The following SMAP1 variants were observed in gnomAD, a reference collection of about 807,000 sequenced individuals.
SMAP1 encodes stromal membrane-associated protein 1.
SMAP1 carries 24 observed loss-of-function variants against 58.5 expected under a neutral mutation model. The ratio of observed to expected loss-of-function variants is 0.41; its 90% CI spans 0.30 to 0.58. The LOEUF (loss-of-function observed/expected upper bound fraction) is 0.58. SMAP1 is among the 20% of genes least tolerant of loss of function. SMAP1 has a pLI of 0.29. For missense variants in SMAP1, 563 were observed against 566.3 expected (o/e 0.99, Z 0.06); for synonymous variants, 216 against 196.6 (o/e 1.10, Z -0.82).
At chr6:70,813,909 A>G (rs568427458) in intron 6 of SMAP1, among the ~76,000 whole-genome samples, 34 of 152,336 alleles carry the variant, frequency 2.2e-4, no homozygotes, top group Non-Finnish European at 3.7e-4. Flanking sequence ...TCCAATTTTA[A>G]TGAGTTGAAA....
intron 5 of SMAP1, among the ~76,000 whole-genome samples, chr6:70,796,548 A>G (rs1395441591): frequency 6.6e-6 from 1 of 152,186 alleles, no homozygotes; most frequent in Non-Finnish European, 1.5e-5. Flanking sequence ...TTTGGAAATG[A>G]AGGTTTTGAT....
At chr6:70,774,512 T>G (rs143330271) in intron 4 of SMAP1, among the ~76,000 whole-genome samples, 1 of 152,292 alleles carries the variant, frequency 6.6e-6, no homozygotes, top group Admixed American at 6.5e-5. Context: ...TATTAAAAAT[T>G]CAGTAAAATC....
chr6:70,779,090 C>T (rs1359123565), intron 4 of SMAP1, among the ~76,000 whole-genome samples: 3 of 152,204 alleles, frequency 2.0e-5, no homozygotes, highest in Non-Finnish European at 4.4e-5. Context: ...GGTGGCAGCC[C>T]CAGGCAGGCG....
rs186845553 is a variant in SMAP1 at position 70,722,718 on chromosome 6, G to A, written c.119-9660G>A. ...AAAAGTATTCCTTATGGGAAACAAAGGGATGGACTCTGGCTAGTTATCTAC... is the reference window on the plus strand; with the variant it reads ...AAAAGTATTCCTTATGGGAAACAAAAGGATGGACTCTGGCTAGTTATCTAC... On this transcript the variant is annotated intron_variant, in intron 1 of 10. Coordinates refer to ENST00000370455, the MANE Select transcript of SMAP1 (RefSeq NM_001044305.3). Among the ~76,000 whole-genome samples, 12 of 152,354 alleles carry A rather than the reference G, an allele frequency of 7.9e-5. No individual in the cohort carries two copies. The East Asian group carries it at 2.1e-3, about 27-fold the overall frequency.
chr6:70,840,518 A>G (rs2150000998), intron 7 of SMAP1, among the ~76,000 whole-genome samples: 1 of 152,252 alleles, frequency 6.6e-6, no homozygotes, highest in South Asian at 2.1e-4. Flanking sequence ...TTCAACTCCC[A>G]TTGTAGTGTG....
intron 2 of SMAP1, among the ~76,000 whole-genome samples, chr6:70,733,322 TA>T (rs565883983): frequency 5.1e-4 from 77 of 152,364 alleles, no homozygotes; most frequent in African/African-American, 1.6e-3. Context: ...CTTCAGGCTA[TA>T]AAGTCAAGCA....
chr6:70,704,959 A>G (rs183310305), intron 1 of SMAP1, among the ~76,000 whole-genome samples: 1 of 152,324 alleles, frequency 6.6e-6, no homozygotes, highest in East Asian at 1.9e-4. Flanking sequence ...ACAAATATCT[A>G]ACTTGTTTTT....
At chr6:70,817,022 A>G (rs1193232620) in intron 6 of SMAP1, among the ~76,000 whole-genome samples, 7 of 151,800 alleles carry the variant, frequency 4.6e-5, no homozygotes, top group Non-Finnish European at 8.8e-5. Flanking sequence ...AAGTCCCCCC[A>G]GTTCCATCTC....
intron 1 of SMAP1, among the ~76,000 whole-genome samples, chr6:70,685,751 C>T (rs1241333285): frequency 6.6e-6 from 1 of 152,126 alleles, no homozygotes; most frequent in Non-Finnish European, 1.5e-5. Flanking sequence ...CATATTACTC[C>T]ATTCAACACT....
intron 4 of SMAP1, among the ~76,000 whole-genome samples, chr6:70,775,405 G>GT (rs1373078232): frequency 6.6e-6 from 1 of 152,092 alleles, no homozygotes; most frequent in African/African-American, 2.4e-5. Flanking sequence ...TTTTGGGATG[G>GT]TAGCTGTTAC....
chr6:70,817,869 T>A lies in SMAP1; in HGVS notation c.577-19072T>A, dbSNP rs1769707753. 2.0e-5 allele frequency among the ~76,000 whole-genome samples: 3 copies of A among 152,142 alleles called. No homozygotes were observed. The South Asian group carries it at 6.2e-4, about 32-fold the overall frequency. Reference sequence around the variant, plus strand: ...ATTGAGAATTTTAGAAATTGAGAATTGTCTTTGAAACAAAAGCAAATCAAA... The same window carrying A: ...ATTGAGAATTTTAGAAATTGAGAATAGTCTTTGAAACAAAAGCAAATCAAA... On this transcript the variant is annotated intron_variant, in intron 6 of 10. Coordinates refer to ENST00000370455, the MANE Select transcript of SMAP1 (RefSeq NM_001044305.3).
At chr6:70,741,122 C>A (rs1333926403) in intron 2 of SMAP1, among the ~76,000 whole-genome samples, 2 of 152,170 alleles carry the variant, frequency 1.3e-5, no homozygotes, top group Admixed American at 1.3e-4. Context: ...CTTGGCCCCT[C>A]CCAAATCTCA....
At chr6:70,820,281 T>G (rs1387015505) in intron 6 of SMAP1, among the ~76,000 whole-genome samples, 2 of 152,226 alleles carry the variant, frequency 1.3e-5, no homozygotes, top group Admixed American at 6.5e-5. Context: ...TTATAGATTT[T>G]CATGTCATTT....
At chr6:70,789,262 T>C (rs1238930583) in intron 4 of SMAP1, among the ~76,000 whole-genome samples, 1 of 152,220 alleles carries the variant, frequency 6.6e-6, no homozygotes, top group Non-Finnish European at 1.5e-5. Flanking sequence ...TACATATCGC[T>C]GTGTAACCAC....
intron 3 of SMAP1, among the ~76,000 whole-genome samples, chr6:70,771,904 C>G (rs76671956): frequency 0.025 from 3,873 of 152,250 alleles, 193 homozygotes; most frequent in African/African-American, 0.089. Flanking sequence ...CTCCAAATAA[C>G]TATTCATTCA....
At position 70,680,080 on chromosome 6, in the gene SMAP1, A is replaced by G. The variant is rs149534693; in HGVS notation, c.118+11939A>G. On this transcript the variant is annotated intron_variant, in intron 1 of 10. Transcript: ENST00000370455. ...TTAACAGAAGTGCCAAGGTAACTCA[A>G]TGGAGAGAAAGGATAGTCTTTTCAA... 1.8e-3 allele frequency among the ~76,000 whole-genome samples: 274 copies of G among 150,998 alleles called. 1 individual carries two copies. The highest frequency in any genetic ancestry group is 6.0e-3 in the African/African-American group (247 of 41,068).
At chr6:70,691,870 A>G (rs528105983) in intron 1 of SMAP1, among the ~76,000 whole-genome samples, 1 of 152,208 alleles carries the variant, frequency 6.6e-6, no homozygotes, top group South Asian at 2.1e-4. Flanking sequence ...GTTGATGGAC[A>G]CTTAGGTAGC....
chr6:70,796,702 TTCTG>T (rs1184275682), intron 5 of SMAP1, among the ~76,000 whole-genome samples: 1 of 152,232 alleles, frequency 6.6e-6, no homozygotes, highest in Non-Finnish European at 1.5e-5. Context: ...CTAGATGGTC[TTCTG>T]TCTGTGCTAG....
At chr6:70,742,128 G>T (rs1427556871) in intron 2 of SMAP1, among the ~76,000 whole-genome samples, 1 of 152,220 alleles carries the variant, frequency 6.6e-6, no homozygotes, top group South Asian at 2.1e-4. Context: ...CCATTGTCTT[G>T]TTAATTAACA....
Sources: gnomAD v4.1 joint callset for allele counts (sites outside exome capture counted in the v4.1 genomes callset) on GRCh38, gnomAD v4.1.1 for gene constraint, MANE v1.5 for transcripts, NCBI Gene and HGNC (gene_info 2026-07-23, HGNC 2026-07-21) for gene names.